The following CASS4 variants were observed in gnomAD, a reference collection of about 807,000 sequenced individuals.
CASS4 encodes the protein cas scaffolding protein family member 4.
A neutral mutation model predicts 54.2 loss-of-function variants in CASS4; 22 were observed. That is an observed-to-expected ratio of 0.41 (90% CI 0.29 to 0.58). CASS4 has a LOEUF of 0.58. CASS4 is among the 20% of genes least tolerant of loss of function. The pLI is 0.36. For synonymous variants in CASS4, 409 were observed against 391.5 expected (o/e 1.04, Z -0.53); for missense variants, 854 against 986.7 (o/e 0.87, Z 1.80).
At position 56,433,927 on chromosome 20, in the gene CASS4, G is replaced by C. The variant is rs901367327; in HGVS notation, c.37-3237G>C. ...ACAGCAGGGAGGTGACACATCCCCC[G>C]GGTTGCCTGCAAGTTATTCCCTCAG... is the stretch of plus-strand genomic sequence containing the variant. On this transcript the variant is annotated intron_variant, in intron 1 of 5. Transcript: ENST00000679887. Among the ~76,000 whole-genome samples, 14 of 152,244 alleles carry C rather than the reference G, an allele frequency of 9.2e-5. No individual in the cohort carries two copies. In the East Asian group the frequency reaches 2.3e-3, roughly 25 times the overall value.
Position 56,446,404 on chromosome 20 carries a change from G to C in CASS4, c.561+403G>C, listed in dbSNP as rs112956388. On this transcript the variant is annotated intron_variant, in intron 3 of 5. Transcript: ENST00000679887. The stretch of plus-strand genomic sequence containing the variant: ...CCGTGCCCAGCCATTATTTATAATA[G>C]ATATTTAATATATGTATGTGTGTAC... Among the ~76,000 whole-genome samples, 20 of 152,130 alleles carry C rather than the reference G, an allele frequency of 1.3e-4. 1 individual carries two copies. The highest frequency in any genetic ancestry group is 4.6e-4 in the African/African-American group (19 of 41,502).
chr20:56,412,145 T>C (rs1978905442), upstream of CASS4: 1 of 385,280 alleles, frequency 2.6e-6, no homozygotes, highest in Admixed American at 4.4e-5. The surrounding 1 kb of genome is among the most constrained non-coding windows in gnomAD (Gnocchi z 4.2). Flanking sequence ...TCTTCTTCTT[T>C]TGTGGTTTCA....
Position 56,458,930 on chromosome 20 carries a change from G to A in CASS4, c.*183G>A. ...CAGGGCATTGACTTACCCCGCAGGG[G>A]GTCAGGAAAGAGAGTCAGGTATGAG... On this transcript the variant is annotated 3_prime_UTR_variant, in exon 6 of 6. Transcript: ENST00000679887. 1 of 594,202 alleles carries A rather than the reference G, an allele frequency of 1.7e-6. No individual in the cohort carries two copies. The allele number at this position is 594,202 out of a possible 1,614,324, so 36.8% of individuals were successfully genotyped here.
chr20:56,419,369 CTG>C (rs1276377532), intron 1 of CASS4, among the ~76,000 whole-genome samples: 1 of 152,192 alleles, frequency 6.6e-6, no homozygotes, highest in East Asian at 1.9e-4. Context: ...ATAGTCGACA[CTG>C]AGAAGACTGA....
chr20:56,443,624 G>A (rs1024708799), intron 2 of CASS4, among the ~76,000 whole-genome samples: 16 of 152,080 alleles, frequency 1.1e-4, no homozygotes, highest in Admixed American at 2.0e-4. Context: ...CCATGAGGCA[G>A]CTCACAAACA....
chr20:56,443,179 G>A (rs1020825796), intron 2 of CASS4, among the ~76,000 whole-genome samples: 4 of 151,312 alleles, frequency 2.6e-5, no homozygotes, highest in South Asian at 2.1e-4. Flanking sequence ...TTGTCAGACC[G>A]GGTAAGCAGC....
Position 56,452,535 on chromosome 20 carries a change from C to T in CASS4, c.1359C>T (p.Ser453=). ...TVMALQHKVV[S]SVAGLMLFVS... Reference sequence around the variant, plus strand: ...TGGCTCTGCAGCACAAGGTGGTCAGCTCTGTCGCTGGCCTGATGCTCTTTG... The same window carrying T: ...TGGCTCTGCAGCACAAGGTGGTCAGTTCTGTCGCTGGCCTGATGCTCTTTG... The change falls in exon 5 of 6, where the codon AGC becomes AGT. Residue 453 remains serine (S), a synonymous_variant. Coordinates refer to ENST00000679887, the MANE Select transcript of CASS4 (RefSeq NM_020356.4). 1 of 1,614,118 alleles carries T rather than the reference C, an allele frequency of 6.2e-7. No homozygotes were observed. Among genetic ancestry groups the T allele is most frequent in the Non-Finnish European group, 8.5e-7 (1 of 1,179,982 alleles).
intron 1 of CASS4, among the ~76,000 whole-genome samples, chr20:56,418,871 C>T (rs562450707): frequency 3.9e-5 from 6 of 152,274 alleles, no homozygotes; most frequent in Admixed American, 3.9e-4. Context: ...AGTCCAAGTG[C>T]CTGGTCCCCT....
rs556382607 is a variant in CASS4 at position 56,444,078 on chromosome 20, C to T, written c.460-1822C>T. Among the ~76,000 whole-genome samples, 51 of 152,332 alleles carry T rather than the reference C, an allele frequency of 3.3e-4. No homozygotes were observed. The South Asian group carries it at 9.9e-3, about 30-fold the overall frequency. ...CCTGTTCGCATTGCGGCTGCTTTGT[C>T]TGCATCCGTGAGTCTAGCCAGATGA... is the stretch of plus-strand genomic sequence containing the variant. On this transcript the variant is annotated intron_variant, in intron 2 of 5. Transcript: ENST00000679887.
intron 1 of CASS4, among the ~76,000 whole-genome samples, chr20:56,427,709 A>G (rs551279106): frequency 6.6e-6 from 1 of 152,342 alleles, no homozygotes; most frequent in South Asian, 2.1e-4. Context: ...TTTCCCATGT[A>G]TCAAAAGATC....
At position 56,412,500 on chromosome 20, in the gene CASS4, T is replaced by C; in HGVS notation, c.36+6T>C. The C allele has an allele frequency of 6.2e-7, 1 of 1,611,482 alleles. No individual in the cohort carries two copies. The highest frequency in any genetic ancestry group is 8.5e-7 in the Non-Finnish European group (1 of 1,178,840). On this transcript the variant is annotated splice_donor_region_variant and intron_variant, in intron 1 of 5. Coordinates refer to ENST00000679887, the MANE Select transcript of CASS4 (RefSeq NM_020356.4). The surrounding 1 kb of genome is among the most constrained non-coding windows in gnomAD (Gnocchi z 4.2). Reference sequence around the variant, plus strand: ...TCATGGACTGTGCGCCCAAGGTGAGTGATGTGGGGCTGTTTGAATGGGCTC... The same window carrying C: ...TCATGGACTGTGCGCCCAAGGTGAGCGATGTGGGGCTGTTTGAATGGGCTC...
chr20:56,421,193 G>A (rs1979394600), intron 1 of CASS4, among the ~76,000 whole-genome samples: 1 of 152,208 alleles, frequency 6.6e-6, no homozygotes, highest in Admixed American at 6.5e-5. Flanking sequence ...CAAGTGTGGT[G>A]CACAGAACAG....
At chr20:56,433,523 T>G (rs1980015767) in intron 1 of CASS4, among the ~76,000 whole-genome samples, 1 of 151,806 alleles carries the variant, frequency 6.6e-6, no homozygotes, top group Non-Finnish European at 1.5e-5. Context: ...GAGAGGGGAG[T>G]GGCATGATCA....
intron 1 of CASS4, among the ~76,000 whole-genome samples, chr20:56,434,629 T>G (rs1335145894): frequency 6.6e-6 from 1 of 151,240 alleles, no homozygotes; most frequent in Non-Finnish European, 1.5e-5. Context: ...GTATTTTTAG[T>G]AGAGATGGGG....
chr20:56,431,577 A>T (rs1370427398), intron 1 of CASS4, among the ~76,000 whole-genome samples: 1 of 152,242 alleles, frequency 6.6e-6, no homozygotes, highest in East Asian at 1.9e-4. Flanking sequence ...AATAAATCAT[A>T]TATCAAGAAT....
chr20:56,422,782 A>G (rs918892235), intron 1 of CASS4, among the ~76,000 whole-genome samples: 6 of 152,380 alleles, frequency 3.9e-5, no homozygotes, highest in African/African-American at 1.4e-4. Flanking sequence ...TATTCACAGC[A>G]TGTGCCATTC....
In CASS4 at chr20:56,452,549, T is replaced by C; in HGVS notation, c.1373T>C (p.Leu458Pro). 3.1e-6 allele frequency: 5 copies of C among 1,614,174 alleles called. No homozygotes were observed. The highest frequency in any genetic ancestry group is 4.2e-6 in the Non-Finnish European group (5 of 1,180,010). Reference sequence around the variant, plus strand: ...AAGGTGGTCAGCTCTGTCGCTGGCCTGATGCTCTTTGTCAGCAGGAAGTGG... The same window carrying C: ...AAGGTGGTCAGCTCTGTCGCTGGCCCGATGCTCTTTGTCAGCAGGAAGTGG... Reference protein sequence around the residue: ...QHKVVSSVAGLMLFVSRKWRF... With the variant: ...QHKVVSSVAGPMLFVSRKWRF... Residue 458 changes from leucine (L) to proline (P), a missense_variant, in exon 5 of 6, where the codon CTG becomes CCG. Coordinates refer to ENST00000679887, the MANE Select transcript of CASS4 (RefSeq NM_020356.4).
chr20:56,438,176 A>T (rs902599320), intron 2 of CASS4, among the ~76,000 whole-genome samples: 8 of 152,028 alleles, frequency 5.3e-5, no homozygotes, highest in African/African-American at 1.9e-4. Flanking sequence ...AGTCCCAACT[A>T]CTTAGTGGGA....
At chr20:56,424,196 T>C (rs377677159) in intron 1 of CASS4, among the ~76,000 whole-genome samples, 1 of 152,194 alleles carries the variant, frequency 6.6e-6, no homozygotes, top group Non-Finnish European at 1.5e-5. Context: ...TTTCTGATAA[T>C]GAGATGCAGA....
Sources: gnomAD v4.1 joint callset for allele counts (sites outside exome capture counted in the v4.1 genomes callset) on GRCh38, gnomAD v4.1.1 for gene constraint, Gnocchi (gnomAD v3.1) non-coding constraint, MANE v1.5 for transcripts, NCBI Gene and HGNC (gene_info 2026-07-23, HGNC 2026-07-21) for gene names.